Variants in WWOX observed in about 807,000 individuals in gnomAD.
WWOX encodes the protein WW domain-containing oxidoreductase.
In WWOX, 69 loss-of-function variants were observed where a neutral mutation model predicts 46.2. That is an observed-to-expected ratio of 1.49 (90% confidence interval 1.23 to 1.82). The LOEUF is 1.82. WWOX is among the 40% of genes most tolerant of loss of function. The pLI is 0.00. For missense variants in WWOX, 919 were observed against 542.6 expected, an observed-to-expected ratio of 1.69 and a Z score of -6.89; for synonymous variants, 359 against 202.6, an observed-to-expected ratio of 1.77 and a Z score of -6.56.
intron 8 of WWOX, among the ~76,000 whole-genome samples, chr16:78,442,878 T>G (rs1158722844): frequency 6.6e-6 from 1 of 151,946 alleles, no homozygotes; most frequent in South Asian, 2.1e-4. Context: ...ATCCCAGCAC[T>G]TTGGGAGGCC....
chr16:78,812,370 G>C (rs1020463499), intron 8 of WWOX, among the ~76,000 whole-genome samples: 4 of 152,048 alleles, frequency 2.6e-5, no homozygotes, highest in African/African-American at 9.7e-5. Flanking sequence ...CAGGTCTTAT[G>C]TTCTTGGGTA....
chr16:78,861,833 T>G (rs2043891598), intron 8 of WWOX, among the ~76,000 whole-genome samples: 1 of 152,182 alleles, frequency 6.6e-6, no homozygotes, highest in South Asian at 2.1e-4. Context: ...CAAAAGAAAT[T>G]AAATACACCA....
At chr16:78,512,503 T>G (rs2085385178) in intron 8 of WWOX, among the ~76,000 whole-genome samples, 1 of 152,184 alleles carries the variant, frequency 6.6e-6, no homozygotes, top group Non-Finnish European at 1.5e-5. Context: ...GGCAATTAAT[T>G]GTATTTACTT....
intron 3 of WWOX, among the ~76,000 whole-genome samples, chr16:78,114,171 C>T (rs1482969595): frequency 6.7e-6 from 1 of 149,368 alleles, no homozygotes; most frequent in Non-Finnish European, 1.5e-5. Flanking sequence ...AATCATGGCT[C>T]ACTGCAGCTT....
intron 8 of WWOX, among the ~76,000 whole-genome samples, chr16:79,013,005 G>T (rs114025942): frequency 0.012 from 1,877 of 152,314 alleles, 44 homozygotes; most frequent in African/African-American, 0.043. Context: ...GAGATTGGAG[G>T]TTGCAGTGAG....
chr16:78,507,967 C>T lies in WWOX; in HGVS notation c.1056+75215C>T, dbSNP rs903146375. On this transcript the variant is annotated intron_variant, in intron 8 of 8. Transcript: ENST00000566780. Reference sequence around the variant, plus strand: ...TATGCACGGACCTTTTATGCATGGACTGTGGTGTTTTTTGATTTTTGGTTG... The same window carrying T: ...TATGCACGGACCTTTTATGCATGGATTGTGGTGTTTTTTGATTTTTGGTTG... 2.0e-5 allele frequency among the ~76,000 whole-genome samples: 3 copies of T among 148,712 alleles called. No individual in the cohort carries two copies. The East Asian group carries it at 6.1e-4, about 30-fold the overall frequency.
chr16:78,728,751 TCTTC>T (rs2048894739), intron 8 of WWOX, among the ~76,000 whole-genome samples: 1 of 152,150 alleles, frequency 6.6e-6, no homozygotes, highest in African/African-American at 2.4e-5. Flanking sequence ...GGGAAAACAA[TCTTC>T]CTTGTAAAGA....
chr16:79,096,133 G>T (rs1567547310), intron 8 of WWOX, among the ~76,000 whole-genome samples: 2 of 149,106 alleles, frequency 1.3e-5, no homozygotes, highest in East Asian at 2.0e-4. Context: ...CTCCCAAAGT[G>T]CTGGGATTAC....
intron 8 of WWOX, among the ~76,000 whole-genome samples, chr16:78,834,936 G>T (rs1212973359): frequency 3.9e-5 from 6 of 152,118 alleles, no homozygotes; most frequent in African/African-American, 1.4e-4. Flanking sequence ...TTAGCAGTTC[G>T]TAATTATTGA....
intron 8 of WWOX, among the ~76,000 whole-genome samples, chr16:78,493,762 A>G (rs1352820849): frequency 6.6e-6 from 1 of 152,180 alleles, no homozygotes; most frequent in Non-Finnish European, 1.5e-5. Context: ...TGAGGCATAC[A>G]GAAGAGATGG....
At chr16:78,771,304 C>G (rs1442586911) in intron 8 of WWOX, among the ~76,000 whole-genome samples, 3 of 152,128 alleles carry the variant, frequency 2.0e-5, no homozygotes, top group Non-Finnish European at 4.4e-5. Context: ...AGGAAGCTAT[C>G]ACAGTGATCC....
intron 6 of WWOX, among the ~76,000 whole-genome samples, chr16:78,414,999 A>G (rs1040023607): frequency 6.6e-6 from 1 of 151,736 alleles, no homozygotes; most frequent in Non-Finnish European, 1.5e-5. Flanking sequence ...TGGCTACTCC[A>G]TAGGCAGAGC....
At chr16:78,670,706 C>T (rs979359863) in intron 8 of WWOX, among the ~76,000 whole-genome samples, 1 of 151,996 alleles carries the variant, frequency 6.6e-6, no homozygotes, top group African/African-American at 2.4e-5. Flanking sequence ...GAGATAGAGT[C>T]TTGCCATCTT....
At chr16:78,989,043 A>G (rs967681288) in intron 8 of WWOX, among the ~76,000 whole-genome samples, 2 of 152,190 alleles carry the variant, frequency 1.3e-5, no homozygotes, top group Admixed American at 1.3e-4. Flanking sequence ...GAGTTCGATG[A>G]TTCAGAGTAA....
At chr16:78,880,873 C>A (rs5019007) in intron 8 of WWOX, among the ~76,000 whole-genome samples, 56,235 of 151,624 alleles carry the variant, frequency 0.37, 11,499 homozygotes, top group Non-Finnish European at 0.46. Context: ...GCCTTCTTGT[C>A]TATGATATCA....
At chr16:78,272,841 G>A (rs1478706270) in intron 5 of WWOX, among the ~76,000 whole-genome samples, 3 of 152,084 alleles carry the variant, frequency 2.0e-5, no homozygotes, top group Admixed American at 6.5e-5. Flanking sequence ...AGGACTCATC[G>A]GTAAGGAGTA....
At chr16:78,950,555 C>CAG (rs2046039812) in intron 8 of WWOX, among the ~76,000 whole-genome samples, 1 of 151,702 alleles carries the variant, frequency 6.6e-6, no homozygotes. Flanking sequence ...CACACACACA[C>CAG]ACACACACAC....
At chr16:78,415,513 C>A (rs984054489) in intron 6 of WWOX, among the ~76,000 whole-genome samples, 6 of 152,118 alleles carry the variant, frequency 3.9e-5, no homozygotes, top group African/African-American at 1.4e-4. Flanking sequence ...TTTACCCAGC[C>A]CCTATTCAAA....
intron 8 of WWOX, among the ~76,000 whole-genome samples, chr16:78,454,081 C>T (rs2083753977): frequency 1.3e-5 from 2 of 152,112 alleles, no homozygotes; most frequent in South Asian, 2.1e-4. Context: ...TTAACTAATA[C>T]CCAAGAAATT....
Sources: gnomAD v4.1 joint callset for allele counts (sites outside exome capture counted in the v4.1 genomes callset) on GRCh38, gnomAD v4.1.1 for gene constraint, MANE v1.5 for transcripts, NCBI Gene and HGNC (gene_info 2026-07-23, HGNC 2026-07-21) for gene names.